SLC25A28: variants seen among roughly 807,000 people sequenced by gnomAD.
The protein encoded by SLC25A28 is solute carrier family 25 member 28, also known as mitoferrin-2.
Under a neutral mutation model 31.9 loss-of-function variants are expected in SLC25A28, and 10 were observed. The observed-to-expected ratio is 0.31, with a 90% CI of 0.19 to 0.53. SLC25A28 has a LOEUF of 0.53. Among genes scored for constraint, SLC25A28 ranks in the 20% least tolerant of loss-of-function variants. The pLI, the probability that SLC25A28 is intolerant of heterozygous loss-of-function variation, is 0.95. For synonymous variants in SLC25A28, 208 were observed against 203.6 expected, an observed-to-expected ratio of 1.02 and a Z score of -0.19; for missense variants, 256 against 490.3, an observed-to-expected ratio of 0.52 and a Z score of 4.51.
At chr10:99,624,760 G>T (rs1041266046), upstream of SLC25A28, among the ~76,000 whole-genome samples, 1 of 152,204 alleles carries the variant, frequency 6.6e-6, no homozygotes, top group African/African-American at 2.4e-5. Context: ...ACTTGAACCC[G>T]GGATGCAGAG....
At chr10:99,650,241 G>A in the SLC25A28 span, among the ~76,000 whole-genome samples, 14 of 152,078 alleles carry the variant, frequency 9.2e-5, no homozygotes, top group South Asian at 2.1e-4. Context: ...GCAGTGGTGC[G>A]ATCACAGCTC....
the SLC25A28 span, among the ~76,000 whole-genome samples, chr10:99,635,463 C>A: frequency 2.0e-5 from 3 of 152,002 alleles, no homozygotes; most frequent in Non-Finnish European, 4.4e-5. Context: ...GGGTGGATCA[C>A]GAGGTCAGGA....
chr10:99,611,062 G>A lies in SLC25A28; in HGVS notation c.882C>T (p.Ser294=), dbSNP rs2034510933. 1 of 1,614,182 alleles carries A rather than the reference G, an allele frequency of 6.2e-7. No individual in the cohort carries two copies. The highest frequency in any genetic ancestry group is 8.5e-7 in the Non-Finnish European group (1 of 1,180,028). ...VCKTLLNTQE[S]LALNSHITGH... ...CTGTAATGTGTGAGTTCAAAGCCAA[G>A]GACTCCTGGGTGTTGAGCAGTGTTT... The change falls in exon 4 of 4, where the codon TCC becomes TCT. Residue 294 remains serine, a synonymous_variant. Transcript: ENST00000370495. The surrounding 1 kb of genome is among the most constrained non-coding windows in gnomAD (Gnocchi z 5.5).
At chr10:99,634,805 T>G in the SLC25A28 span, among the ~76,000 whole-genome samples, 4 of 152,124 alleles carry the variant, frequency 2.6e-5, no homozygotes, top group African/African-American at 9.7e-5. Flanking sequence ...ACCTGGGAGA[T>G]TCATCACAAA....
the SLC25A28 span, among the ~76,000 whole-genome samples, chr10:99,658,316 T>C: frequency 6.6e-6 from 1 of 152,156 alleles, no homozygotes; most frequent in Non-Finnish European, 1.5e-5. Context: ...GTGGTCTTCC[T>C]CCCCGATCCC....
rs921082904 is a variant in SLC25A28 at position 99,616,158 on chromosome 10, C to A, written c.292-2234G>T. 26 of 985,244 alleles carry A rather than the reference C, an allele frequency of 2.6e-5. No homozygotes were observed. In the Admixed American group the frequency reaches 3.7e-4, roughly 14 times the overall value. 61.0% of individuals were successfully genotyped at this position (985,244 alleles called of 1,614,324 possible). ...TTCTGAAAAACCTCAATGTGAAAAA[C>A]TTCTACCTGGCTTTGGAGAAAAGCC... is the stretch of plus-strand genomic sequence containing the variant. On this transcript the variant is annotated intron_variant, in intron 1 of 3. Transcript: ENST00000370495.
At chr10:99,656,387 C>T in the SLC25A28 span, among the ~76,000 whole-genome samples, 1 of 152,186 alleles carries the variant, frequency 6.6e-6, no homozygotes, top group Non-Finnish European at 1.5e-5. Context: ...TCTAGGATGA[C>T]TCCCATACAG....
At chr10:99,655,189 G>A in the SLC25A28 span, among the ~76,000 whole-genome samples, 9 of 151,970 alleles carry the variant, frequency 5.9e-5, no homozygotes, top group Non-Finnish European at 8.8e-5. Flanking sequence ...GGCGGTGTGC[G>A]CCTGTAATCC....
chr10:99,633,138 T>C, the SLC25A28 span, among the ~76,000 whole-genome samples: 1 of 152,142 alleles, frequency 6.6e-6, no homozygotes, highest in South Asian at 2.1e-4. Context: ...AACATTTTCA[T>C]TTAAAAAAAA....
chr10:99,658,696 C>T, the SLC25A28 span, among the ~76,000 whole-genome samples: 1 of 152,072 alleles, frequency 6.6e-6, no homozygotes, highest in Non-Finnish European at 1.5e-5. Context: ...CAAGTAGCGG[C>T]AGAGGACGGC....
chr10:99,622,259 G>A (rs1475349817), upstream of SLC25A28, among the ~76,000 whole-genome samples: 1 of 152,214 alleles, frequency 6.6e-6, no homozygotes, highest in Non-Finnish European at 1.5e-5. Flanking sequence ...GCGCCAGGGA[G>A]GTCGAAGCTG....
the SLC25A28 span, among the ~76,000 whole-genome samples, chr10:99,631,533 C>T: frequency 6.6e-6 from 1 of 152,310 alleles, no homozygotes; most frequent in African/African-American, 2.4e-5. Flanking sequence ...CTTAAATACA[C>T]AGTCTGCTGC....
rs1372202996 is a variant in SLC25A28 at position 99,611,506 on chromosome 10, C to G, written c.578-140G>C. 4 of 1,076,326 alleles carry G rather than the reference C, an allele frequency of 3.7e-6. No homozygotes were observed. In the Admixed American group the frequency reaches 7.8e-5, roughly 21 times the overall value. 66.7% of individuals were successfully genotyped at this position (1,076,326 alleles called of 1,614,324 possible). A position where few individuals can be genotyped will look rare whatever the true frequency, so the allele number is the denominator to read the frequency against. On this transcript the variant is annotated intron_variant, in intron 3 of 3. Coordinates refer to ENST00000370495, the MANE Select transcript of SLC25A28 (RefSeq NM_031212.4). The surrounding 1 kb of genome is among the most constrained non-coding windows in gnomAD (Gnocchi z 5.5). ...AAGTATGAGTGAGCTGCTGGCTAAC[C>G]TGAGAAGTCAGCTTCCCTTTTTTGA...
chr10:99,639,473 C>G, the SLC25A28 span, among the ~76,000 whole-genome samples: 1 of 151,928 alleles, frequency 6.6e-6, no homozygotes, highest in Non-Finnish European at 1.5e-5. Context: ...ACCCCAATAA[C>G]CTATGGAAAA....
intron 1 of SLC25A28, among the ~76,000 whole-genome samples, chr10:99,619,666 T>A (rs2034737363): frequency 6.6e-6 from 1 of 152,226 alleles, no homozygotes; most frequent in South Asian, 2.1e-4. Flanking sequence ...AGCCGTTAGA[T>A]CCATTTCAGG....
At chr10:99,651,775 T>A in the SLC25A28 span, among the ~76,000 whole-genome samples, 1 of 151,838 alleles carries the variant, frequency 6.6e-6, no homozygotes, top group African/African-American at 2.4e-5. Context: ...ATTTTTAAAC[T>A]TTTTTTAAAG....
chr10:99,619,112 C>A, intron 1 of SLC25A28: 1 of 985,438 alleles, frequency 1.0e-6, no homozygotes, highest in Non-Finnish European at 1.2e-6. Context: ...TCTTTCTTCA[C>A]CCAGCTTTCT....
chr10:99,624,451 C>T (rs1396254363), upstream of SLC25A28, among the ~76,000 whole-genome samples: 1 of 152,122 alleles, frequency 6.6e-6, no homozygotes, highest in Admixed American at 6.6e-5. Flanking sequence ...AGACCTTGGA[C>T]CACACTTTGA....
the SLC25A28 span, among the ~76,000 whole-genome samples, chr10:99,649,824 CTTGT>C: frequency 2.6e-5 from 4 of 152,054 alleles, no homozygotes; most frequent in Non-Finnish European, 5.9e-5. Flanking sequence ...TTCATATCCA[CTTGT>C]TTATTGGGAT....
Sources: gnomAD v4.1 joint callset for allele counts (sites outside exome capture counted in the v4.1 genomes callset) on GRCh38, gnomAD v4.1.1 for gene constraint, Gnocchi (gnomAD v3.1) non-coding constraint, MANE v1.5 for transcripts, NCBI Gene and HGNC (gene_info 2026-07-23, HGNC 2026-07-21) for gene names.